The following RASGRP3 variants were observed in gnomAD, a reference collection of about 807,000 sequenced individuals.
The protein encoded by RASGRP3 is ras guanyl-releasing protein 3.
RASGRP3 carries 54 observed loss-of-function variants against 82.7 expected under a neutral mutation model. The observed-to-expected ratio is 0.65, with a 90% CI of 0.52 to 0.82. The LOEUF (loss-of-function observed/expected upper bound fraction) is 0.82. RASGRP3 is among the 40% of genes least tolerant of loss of function. The probability of loss-of-function intolerance (pLI) is 0.00; values close to 1 mark genes in which losing one functional copy is unlikely to be tolerated. For synonymous variants in RASGRP3, 309 were observed against 300.5 expected, an observed-to-expected ratio of 1.03 and a Z score of -0.29; for missense variants, 861 against 828.9, an observed-to-expected ratio of 1.04 and a Z score of -0.48.
At chr2:33,528,525 G>A (rs2151039714) in intron 10 of RASGRP3, among the ~76,000 whole-genome samples, 1 of 152,298 alleles carries the variant, frequency 6.6e-6, no homozygotes, top group African/African-American at 2.4e-5. Context: ...TAACACTGTA[G>A]CATCTGAAAC....
intron 4 of RASGRP3, among the ~76,000 whole-genome samples, chr2:33,519,635 C>A (rs1453395333): frequency 6.6e-6 from 1 of 152,166 alleles, no homozygotes; most frequent in African/African-American, 2.4e-5. Context: ...TCTGTACTAC[C>A]AACTTTAATT....
intron 1 of RASGRP3, among the ~76,000 whole-genome samples, chr2:33,491,360 GA>G (rs914130071): frequency 4.1e-4 from 60 of 146,328 alleles, no homozygotes; most frequent in African/African-American, 7.8e-4. Flanking sequence ...TTGTCACCCA[GA>G]AAAAAAAAAG....
intron 1 of RASGRP3, chr2:33,481,361 A>C (rs567688320): frequency 6.6e-6 from 1 of 152,128 alleles, no homozygotes; most frequent in African/African-American, 2.4e-5. Flanking sequence ...ACGGGGTTTC[A>C]TCATGTTAGC....
At chr2:33,500,306 A>G (rs994181692) in intron 1 of RASGRP3, among the ~76,000 whole-genome samples, 2 of 152,160 alleles carry the variant, frequency 1.3e-5, no homozygotes, top group Non-Finnish European at 2.9e-5. Context: ...GGAGTTCCGC[A>G]ATCAATCTGA....
In RASGRP3 at chr2:33,563,844, A is replaced by T. The variant is rs1476342855; in HGVS notation, c.*1107A>T. On this transcript the variant is annotated 3_prime_UTR_variant, in exon 18 of 18. Transcript: ENST00000403687. Reference sequence around the variant, plus strand: ...CTTTTAAAATATCAATTTTTTAAATAGCTCCCATTTACCCAAAATAACTAG... The same window carrying T: ...CTTTTAAAATATCAATTTTTTAAATTGCTCCCATTTACCCAAAATAACTAG... The T allele has an allele frequency of 2.0e-5, 3 of 152,208 alleles. No individual in the cohort carries two copies. Among genetic ancestry groups the T allele is most frequent in the Non-Finnish European group, 4.4e-5 (3 of 68,042 alleles). 9.4% of individuals were successfully genotyped at this position (152,208 alleles called of 1,614,324 possible).
Position 33,563,086 on chromosome 2 carries a change from C to T in RASGRP3, c.*349C>T. 1 of 288,192 alleles carries T rather than the reference C, an allele frequency of 3.5e-6. No homozygotes were observed. 17.9% of individuals were successfully genotyped at this position (288,192 alleles called of 1,614,324 possible). On this transcript the variant is annotated 3_prime_UTR_variant, in exon 18 of 18. Transcript: ENST00000403687. ...TTGATACTCAGTCTGTAAACTCAGACTTCGCTTTTTTTGTGAGACTATCCT... is the reference window on the plus strand; with the variant it reads ...TTGATACTCAGTCTGTAAACTCAGATTTCGCTTTTTTTGTGAGACTATCCT...
intron 1 of RASGRP3, among the ~76,000 whole-genome samples, chr2:33,495,013 CAT>C (rs974697929): frequency 1.4e-4 from 21 of 152,168 alleles, no homozygotes; most frequent in Non-Finnish European, 2.8e-4. Flanking sequence ...TTAGAGTAAA[CAT>C]GTGTCAGAAG....
At chr2:33,495,930 T>G (rs1669265202) in intron 1 of RASGRP3, among the ~76,000 whole-genome samples, 1 of 152,178 alleles carries the variant, frequency 6.6e-6, no homozygotes, top group Admixed American at 6.5e-5. Flanking sequence ...ATCCAAATGT[T>G]GCCTCATGGG....
In RASGRP3 at chr2:33,470,519, A is replaced by C. The variant is rs534427755; in HGVS notation, c.-261+22576A>C. On this transcript the variant is annotated intron_variant, in intron 2 of 18. Transcript: ENST00000402538. The stretch of plus-strand genomic sequence containing the variant: ...CTCAGCCTCCCGAGTAGCTGGGACT[A>C]CAGGCGCCCGCCACCATGCCCGGCT... Among the ~76,000 whole-genome samples, 695 of 151,872 alleles carry C rather than the reference A, an allele frequency of 4.6e-3. 4 individuals carry two copies. Among genetic ancestry groups the C allele is most frequent in the African/African-American group, 0.016 (661 of 41,404 alleles).
intron 1 of RASGRP3, among the ~76,000 whole-genome samples, chr2:33,507,794 G>A (rs1371968829): frequency 2.0e-5 from 3 of 152,224 alleles, no homozygotes; most frequent in African/African-American, 7.2e-5. Flanking sequence ...CCAAAGTGCT[G>A]GGATTACAGG....
At chr2:33,448,889 G>A (rs1056098439) in intron 2 of RASGRP3, among the ~76,000 whole-genome samples, 1 of 152,178 alleles carries the variant, frequency 6.6e-6, no homozygotes, top group African/African-American at 2.4e-5. Context: ...TGTATGGTAT[G>A]TGAATTATGT....
intron 2 of RASGRP3, among the ~76,000 whole-genome samples, chr2:33,463,166 G>A (rs531640720): frequency 1.3e-4 from 20 of 152,270 alleles, no homozygotes; most frequent in African/African-American, 4.6e-4. Context: ...CTGTGTGTAA[G>A]TAATTATGCT....
chr2:33,543,089 T>C (rs1218326096), intron 12 of RASGRP3, among the ~76,000 whole-genome samples: 2 of 152,160 alleles, frequency 1.3e-5, no homozygotes, highest in Non-Finnish European at 1.5e-5. Context: ...TCTTGGCTCA[T>C]TGTAACCTCA....
intron 1 of RASGRP3, chr2:33,482,922 A>G (rs572721272): frequency 3.3e-5 from 5 of 152,212 alleles, no homozygotes; most frequent in Non-Finnish European, 7.3e-5. Flanking sequence ...GAATTAAAAA[A>G]TATTCTGAAA....
chr2:33,491,937 A>G (rs971504059), intron 1 of RASGRP3, among the ~76,000 whole-genome samples: 1 of 152,252 alleles, frequency 6.6e-6, no homozygotes, highest in African/African-American at 2.4e-5. Flanking sequence ...AAAGTGGAGT[A>G]GGAAGCAACT....
At chr2:33,497,865 A>G (rs1383195399) in intron 1 of RASGRP3, among the ~76,000 whole-genome samples, 2 of 152,250 alleles carry the variant, frequency 1.3e-5, no homozygotes, top group Non-Finnish European at 2.9e-5. Flanking sequence ...GAAGCATATT[A>G]TAGAATTTTC....
rs75332720 is a variant in RASGRP3 at position 33,492,810 on chromosome 2, C to T, written c.-261+16103C>T. Among the ~76,000 whole-genome samples, 307 of 152,200 alleles carry T rather than the reference C, an allele frequency of 2.0e-3. 1 individual carries two copies. Among genetic ancestry groups the T allele is most frequent in the Non-Finnish European group, 3.3e-3 (224 of 68,012 alleles). On this transcript the variant is annotated intron_variant, in intron 1 of 17. Coordinates refer to ENST00000403687, the MANE Select transcript of RASGRP3 (RefSeq NM_001139488.2). ...CTCTACCCTGGAAGCTGCCCTGGCC[C>T]GTAATGTAGCTGTGCTCATGCTTAC...
chr2:33,523,915 C>T lies in RASGRP3; in HGVS notation c.553C>T (p.Leu185=). The part of the protein sequence containing the change: ...DYQSYVIHGC[L]ENNPTLERSI... ...CCAAAGCTATGTCATCCATGGCTGC[C>T]TGGAGAATAATCCAACCTTGGAAAG... The change falls in exon 8 of 18, where the codon CTG becomes TTG. Residue 185 remains leucine (L), a synonymous_variant. Coordinates refer to ENST00000403687, the MANE Select transcript of RASGRP3 (RefSeq NM_001139488.2). 6.2e-7 allele frequency: 1 copy of T among 1,613,580 alleles called. No homozygotes were observed. The highest frequency in any genetic ancestry group is 1.7e-5 in the Admixed American group (1 of 60,004).
At chr2:33,559,118 C>G (rs574697833) in intron 17 of RASGRP3, 88 bp downstream of exon 17, 29 of 1,109,814 alleles carry the variant, frequency 2.6e-5, no homozygotes, top group Non-Finnish European at 3.5e-5. Context: ...GGGGGGCAGC[C>G]TGGTAGTTCT....
Sources: allele counts gnomAD v4.1 joint callset (sites outside exome capture counted in the v4.1 genomes callset), GRCh38; gene constraint gnomAD v4.1.1; transcripts MANE v1.5; gene names NCBI Gene and HGNC (gene_info 2026-07-23, HGNC 2026-07-21).